Variants in SHOC2 observed in about 807,000 individuals in gnomAD.
The protein encoded by SHOC2 is SHOC2 leucine rich repeat scaffold protein, also known as leucine-rich repeat protein SHOC-2.
In SHOC2, 4 loss-of-function variants were observed where a neutral mutation model predicts 50.2. The observed-to-expected ratio is 0.08, with a 90% CI of 0.04 to 0.18. The LOEUF (loss-of-function observed/expected upper bound fraction) is 0.18. Among genes scored for constraint, SHOC2 ranks in the 10% least tolerant of loss-of-function variants. The pLI is 1.00. For synonymous variants in SHOC2, 218 were observed against 244.5 expected, an observed-to-expected ratio of 0.89 and a Z score of 1.01; for missense variants, 388 against 669.6, an observed-to-expected ratio of 0.58 and a Z score of 4.64.
intron 1 of SHOC2, among the ~76,000 whole-genome samples, chr10:110,949,792 A>G (rs577583723): frequency 6.6e-6 from 1 of 152,376 alleles, no homozygotes; most frequent in African/African-American, 2.4e-5. Flanking sequence ...GCAAGAACCA[A>G]TAAATGATAC....
chr10:110,999,883 G>A (rs1053527030), intron 3 of SHOC2, among the ~76,000 whole-genome samples: 1 of 152,072 alleles, frequency 6.6e-6, no homozygotes, highest in African/African-American at 2.4e-5. Context: ...GTTTTGGGGA[G>A]GGGGTTGAGA....
At chr10:110,947,554 G>T (rs1847269618) in intron 1 of SHOC2, among the ~76,000 whole-genome samples, 1 of 152,182 alleles carries the variant, frequency 6.6e-6, no homozygotes, top group Non-Finnish European at 1.5e-5. Flanking sequence ...ATAATTTGTT[G>T]ATAAATATAT....
intron 2 of SHOC2, among the ~76,000 whole-genome samples, chr10:110,980,495 T>TATAG (rs1847956092): frequency 6.6e-6 from 1 of 152,176 alleles, no homozygotes; most frequent in African/African-American, 2.4e-5. Context: ...ATTGAGGTAG[T>TATAG]ATAGACCTTC....
intron 2 of SHOC2, among the ~76,000 whole-genome samples, chr10:110,967,403 T>C (rs1192046286): frequency 6.6e-6 from 1 of 152,208 alleles, no homozygotes; most frequent in Non-Finnish European, 1.5e-5. Context: ...TGTGTTAGTT[T>C]ATGTGCAACT....
intron 1 of SHOC2, among the ~76,000 whole-genome samples, chr10:110,960,531 T>C: frequency 6.6e-6 from 1 of 152,210 alleles, no homozygotes; most frequent in Admixed American, 6.5e-5. Flanking sequence ...GTATCTGACT[T>C]TGGTGCCTCA....
At chr10:110,950,271 A>G (rs931327696) in intron 1 of SHOC2, among the ~76,000 whole-genome samples, 1 of 152,134 alleles carries the variant, frequency 6.6e-6, no homozygotes, top group Non-Finnish European at 1.5e-5. Context: ...AAGTTAAGAA[A>G]ACAATCCCCT....
At chr10:110,930,733 A>ATTTTTTTTTTTT (rs376876822) in intron 1 of SHOC2, among the ~76,000 whole-genome samples, 1 of 33,754 alleles carries the variant, frequency 3.0e-5, no homozygotes, top group African/African-American at 7.9e-5. Context: ...TCACGAGTAA[A>ATTTTTTTTTTTT]TCTTTTTTTT....
chr10:110,948,153 G>A (rs977332311), intron 1 of SHOC2, among the ~76,000 whole-genome samples: 2 of 152,078 alleles, frequency 1.3e-5, no homozygotes, highest in Admixed American at 6.6e-5. Context: ...GATAAAGAAG[G>A]CAGTTCATCC....
intron 1 of SHOC2, among the ~76,000 whole-genome samples, chr10:110,946,701 A>G (rs914345138): frequency 1.3e-5 from 2 of 152,096 alleles, no homozygotes; most frequent in African/African-American, 4.8e-5. Flanking sequence ...AAAGAAAAGC[A>G]AGATTAATAT....
At chr10:110,985,311 G>A (rs1848057550) in intron 2 of SHOC2, among the ~76,000 whole-genome samples, 1 of 152,082 alleles carries the variant, frequency 6.6e-6, no homozygotes, top group East Asian at 1.9e-4. Flanking sequence ...ACTTAAAGAG[G>A]TTGGAAAAGT....
At chr10:111,007,020 T>G (rs990051648) in intron 5 of SHOC2, among the ~76,000 whole-genome samples, 2 of 152,216 alleles carry the variant, frequency 1.3e-5, no homozygotes, top group Non-Finnish European at 2.9e-5. Flanking sequence ...AAATACCTGA[T>G]TAGTGTTTTA....
chr10:110,921,291 T>C (rs1402980621), intron 1 of SHOC2, among the ~76,000 whole-genome samples: 1 of 152,222 alleles, frequency 6.6e-6, no homozygotes, highest in Non-Finnish European at 1.5e-5. Context: ...CTGAGTATGA[T>C]AAGCCTTTTG....
At position 110,989,222 on chromosome 10, in the gene SHOC2, A is replaced by G. The variant is rs1465555186; in HGVS notation, c.841+3457A>G. ...AATCATGGTACAGATGAGGCAATCA[A>G]TGAGTTTATTCTACTTTCTGCCGTT... On this transcript the variant is annotated intron_variant, in intron 3 of 8. Coordinates refer to ENST00000369452, the MANE Select transcript of SHOC2 (RefSeq NM_007373.4). Among the ~76,000 whole-genome samples, 5 of 152,206 alleles carry G rather than the reference A, an allele frequency of 3.3e-5. No individual in the cohort carries two copies. In the South Asian group the frequency reaches 6.2e-4, roughly 19 times the overall value.
At chr10:110,926,145 G>T (rs1397650567) in intron 1 of SHOC2, among the ~76,000 whole-genome samples, 1 of 152,110 alleles carries the variant, frequency 6.6e-6, no homozygotes, top group Non-Finnish European at 1.5e-5. Context: ...CTGTTTGAAG[G>T]TATCCTAGTG....
intron 1 of SHOC2, among the ~76,000 whole-genome samples, chr10:110,940,922 T>G (rs1319998080): frequency 0.29 from 444 of 1,550 alleles, 60 homozygotes; most frequent in African/African-American, 0.36. Flanking sequence ...TTTTTTTTTT[T>G]TTTTTTTTTT....
rs866531238 is a variant in SHOC2, at chr10:111,011,904, T to C, written c.*86T>C. 1 of 1,052,566 alleles carries C rather than the reference T, an allele frequency of 9.5e-7. No homozygotes were observed. Among genetic ancestry groups the C allele is most frequent in the Non-Finnish European group, 1.5e-6 (1 of 682,500 alleles). The allele number at this position is 1,052,566 out of a possible 1,614,324, so 65.2% of individuals were successfully genotyped here. A position where few individuals can be genotyped will look rare whatever the true frequency, so the allele number is the denominator to read the frequency against. ...ATATCTGTATCTATTTATGTAGATA[T>C]TGGTATATGGCAGATTTATAAAAAT... On this transcript the variant is annotated 3_prime_UTR_variant, in exon 9 of 9. Transcript: ENST00000369452.
At chr10:110,921,158 A>G (rs1372340564) in intron 1 of SHOC2, among the ~76,000 whole-genome samples, 1 of 152,212 alleles carries the variant, frequency 6.6e-6, no homozygotes. Flanking sequence ...CCAATTTGTA[A>G]CATTCAGTAA....
At chr10:110,946,831 G>A (rs905779881) in intron 1 of SHOC2, among the ~76,000 whole-genome samples, 1 of 152,112 alleles carries the variant, frequency 6.6e-6, no homozygotes, top group African/African-American at 2.4e-5. Flanking sequence ...TGAAAGATGG[G>A]ATGGCATCAG....
intron 1 of SHOC2, among the ~76,000 whole-genome samples, chr10:110,923,020 A>G (rs1055267812): frequency 1.1e-4 from 17 of 152,102 alleles, no homozygotes; most frequent in Non-Finnish European, 1.6e-4. Context: ...TTAGACATAT[A>G]AGTTGGCTGA....
Sources: gnomAD v4.1 joint callset for allele counts (sites outside exome capture counted in the v4.1 genomes callset) on GRCh38, gnomAD v4.1.1 for gene constraint, MANE v1.5 for transcripts, NCBI Gene and HGNC (gene_info 2026-07-23, HGNC 2026-07-21) for gene names.